The following SPTB variants were observed in gnomAD, a reference collection of about 807,000 sequenced individuals.
The protein encoded by SPTB is spectrin beta chain, erythrocytic.
Under a neutral mutation model 256.2 loss-of-function variants are expected in SPTB, and 45 were observed. That is an observed-to-expected ratio of 0.18 (90% CI 0.14 to 0.23). SPTB has a LOEUF of 0.23. Ranked by LOEUF, SPTB falls within the 10% of genes least tolerant of loss-of-function variation. SPTB has a pLI of 1.00. For missense variants in SPTB, 2,715 were observed against 3,040.4 expected (o/e 0.89, Z 2.52); for synonymous variants, 1,231 against 1,243.1 (o/e 0.99, Z 0.21).
Position 64,787,153 on chromosome 14 carries a change from C to G in SPTB, c.2812G>C (p.Ala938Pro). 6.2e-7 allele frequency: 1 copy of G among 1,604,466 alleles called. No homozygotes were observed. Among genetic ancestry groups the G allele is most frequent in the South Asian group, 1.1e-5 (1 of 91,088 alleles). ...CGCTCCGACACCAGGGTCTGAAATG[C>G]CTGCCACCTGCCGGATGGGGACACA... ...YQDHLNTRWQ[A>P]FQTLVSERRE... The change falls in exon 16 of 36, where the codon GCA (alanine) becomes CCA (proline). Residue 938 changes from alanine to proline, a missense_variant. Ala to Pro is a conservative substitution (Grantham distance 27). Transcript: ENST00000644917.
In SPTB at chr14:64,785,702, C is replaced by T. The variant is rs544630976; in HGVS notation, c.3764+47G>A. ...CTCACCAAGCTTGGGGTCCTCACTA[C>T]CCCCGTGTGGCTCTGGGGGCCTCGT... On this transcript the variant is annotated intron_variant, in intron 17 of 35. Transcript: ENST00000644917. This position sits in a 1 kb window ranked among gnomAD's most constrained non-coding sequence, Gnocchi z 4.4. 2 of 1,613,596 alleles carry T rather than the reference C, an allele frequency of 1.2e-6. No individual in the cohort carries two copies. The highest frequency in any genetic ancestry group is 1.1e-5 in the South Asian group (1 of 91,064).
intron 33 of SPTB, among the ~76,000 whole-genome samples, chr14:64,752,933 A>T (rs1264336722): frequency 6.6e-6 from 1 of 151,908 alleles, no homozygotes; most frequent in Non-Finnish European, 1.5e-5. Flanking sequence ...ACCCAAGGAC[A>T]TGACTGTTTC....
In SPTB at chr14:64,787,367, C is replaced by G. The variant is rs189710553; in HGVS notation, c.2805-207G>C. The stretch of plus-strand genomic sequence containing the variant: ...TTTTACTCAAGACATATATAACTGT[C>G]AATCAGATCTTTTGATCAGCAGGGG... On this transcript the variant is annotated intron_variant, in intron 15 of 35. Coordinates refer to ENST00000644917, the MANE Select transcript of SPTB (RefSeq NM_001355436.2). 1.8e-4 allele frequency among the ~76,000 whole-genome samples: 27 copies of G among 152,274 alleles called. No individual in the cohort carries two copies. In the East Asian group the frequency reaches 4.6e-3, roughly 26 times the overall value.
rs2082719828 is a variant in SPTB, at chr14:64,793,810, C to T, written c.1853G>A (p.Cys618Tyr). ...IQDRISHLEQ[C>Y]FEELSNMAAG... ...TGCCATGTTGCTCAGCTCCTCAAAG[C>T]ACTGCTCCAAGTGGCTGATGCGGTC... Residue 618 changes from cysteine to tyrosine, a missense_variant, in exon 14 of 36, where the codon TGC (cysteine) becomes TAC (tyrosine). Coordinates refer to ENST00000644917, the MANE Select transcript of SPTB (RefSeq NM_001355436.2). The surrounding 1 kb of genome is among the most constrained non-coding windows in gnomAD (Gnocchi z 7.0). 6.2e-7 allele frequency: 1 copy of T among 1,612,778 alleles called. No individual in the cohort carries two copies. The highest frequency in any genetic ancestry group is 1.3e-5 in the African/African-American group (1 of 74,926).
In SPTB at chr14:64,852,960, G is replaced by A. The variant is rs948928167; in HGVS notation, c.-52+26832C>T. Among the ~76,000 whole-genome samples, 16 of 152,298 alleles carry A rather than the reference G, an allele frequency of 1.1e-4. No homozygotes were observed. The highest frequency in any genetic ancestry group is 3.1e-4 in the African/African-American group (13 of 41,540). On this transcript the variant is annotated intron_variant, in intron 1 of 35. Coordinates refer to ENST00000644917, the MANE Select transcript of SPTB (RefSeq NM_001355436.2). The surrounding 1 kb of genome is among the most constrained non-coding windows in gnomAD (Gnocchi z 4.2). ...CATTGCAGAGTGCTGCCGAGGAGAC[G>A]TATAGGTACTAGGCAAGCATTAACA...
Position 64,873,366 on chromosome 14 carries a change from A to C in SPTB, c.-52+6426T>G, listed in dbSNP as rs146531596. On this transcript the variant is annotated intron_variant, in intron 1 of 35. Coordinates refer to ENST00000644917, the MANE Select transcript of SPTB (RefSeq NM_001355436.2). The surrounding 1 kb of genome is among the most constrained non-coding windows in gnomAD (Gnocchi z 4.3). ...CAGTAAATATTTGTTGAAGACTGAC[A>C]TACAAATCAAGGCCCTCAAGATCAC... Among the ~76,000 whole-genome samples, 169 of 152,312 alleles carry C rather than the reference A, an allele frequency of 1.1e-3. No homozygotes were observed. Among genetic ancestry groups the C allele is most frequent in the Non-Finnish European group, 2.1e-3 (142 of 68,026 alleles).
At chr14:64,858,475 G>A (rs1357365808) in intron 1 of SPTB, among the ~76,000 whole-genome samples, 1 of 152,162 alleles carries the variant, frequency 6.6e-6, no homozygotes, top group African/African-American at 2.4e-5. Flanking sequence ...GCAGTAGGAG[G>A]CCCTGCTGTG....
Position 64,779,122 on chromosome 14 carries a change from G to A in SPTB, c.4563+35C>T. On this transcript the variant is annotated intron_variant, in intron 22 of 35. Coordinates refer to ENST00000644917, the MANE Select transcript of SPTB (RefSeq NM_001355436.2). The surrounding 1 kb of genome is among the most constrained non-coding windows in gnomAD (Gnocchi z 4.2). ...GTGGGGCCAGGTGGGGGTGAGGAGG[G>A]GTGGGTGGGGCTGGTGAGGTGACGC... 6.3e-7 allele frequency: 1 copy of A among 1,583,530 alleles called. No homozygotes were observed. The highest frequency in any genetic ancestry group is 8.6e-7 in the Non-Finnish European group (1 of 1,156,416).
At position 64,852,067 on chromosome 14, in the gene SPTB, A is replaced by G. The variant is rs547207056; in HGVS notation, c.-52+27725T>C. 3.3e-5 allele frequency among the ~76,000 whole-genome samples: 5 copies of G among 152,332 alleles called. No homozygotes were observed. In the South Asian group the frequency reaches 1.0e-3, roughly 32 times the overall value. ...AGCCCCCAGTAGCTTGCAGTTGAGT[A>G]TTTGAAAAGTTGTAAAAACAGGCTA... On this transcript the variant is annotated intron_variant, in intron 1 of 35. Coordinates refer to ENST00000644917, the MANE Select transcript of SPTB (RefSeq NM_001355436.2). The surrounding 1 kb of genome is among the most constrained non-coding windows in gnomAD (Gnocchi z 4.2).
chr14:64,809,979 A>G (rs1222474626), intron 2 of SPTB, among the ~76,000 whole-genome samples: 1 of 152,196 alleles, frequency 6.6e-6, no homozygotes, highest in Non-Finnish European at 1.5e-5. Context: ...TTTAAATTAT[A>G]CAATTTGAAT....
In SPTB at chr14:64,795,603, C is replaced by A; in HGVS notation, c.1378G>T (p.Ala460Ser). The A allele has an allele frequency of 6.2e-7, 1 of 1,614,020 alleles. No homozygotes were observed. The highest frequency in any genetic ancestry group is 8.5e-7 in the Non-Finnish European group (1 of 1,180,018). The change falls in exon 12 of 36, where the codon GCC becomes TCC. Residue 460 changes from alanine (A) to serine (S), a missense_variant. By Grantham distance (99) the Ala-to-Ser change is moderately conservative. Transcript: ENST00000644917. The surrounding 1 kb of genome is among the most constrained non-coding windows in gnomAD (Gnocchi z 6.5). ...TCGATGGCCTCATGCTTCTTCTTGG[C>A]GGCCTCCACAGCTGCCAGGTCATAC... ...FGYDLAAVEA[A>S]KKKHEAIETD...
At chr14:64,854,295 T>C (rs1594845873) in intron 1 of SPTB, among the ~76,000 whole-genome samples, 1 of 133,738 alleles carries the variant, frequency 7.5e-6, no homozygotes, top group South Asian at 2.7e-4. Flanking sequence ...TTTTTTTTTT[T>C]TGAGATGGAG....
Position 64,765,017 on chromosome 14 carries a change from A to AGTGTGTGTGTGTGTGTGTGTGT in SPTB, c.6345+1708_6345+1709insACACACACACACACACACACAC, listed in dbSNP as rs749379191. 2.6e-3 allele frequency among the ~76,000 whole-genome samples: 280 copies of AGTGTGTGTGTGTGTGTGTGTGT among 108,816 alleles called. 2 individuals carry two copies. The Middle Eastern group carries it at 0.043, about 17-fold the overall frequency. The allele number at this position is 108,816 out of a possible 152,430, so 71.4% of individuals were successfully genotyped here. A position where few individuals can be genotyped will look rare whatever the true frequency, so the allele number is the denominator to read the frequency against. ...CTGGCCAGGCTGGAGGCCACAGAGG[A>AGTGTGTGTGTGTGTGTGTGTGT]GTGTGTGCGTGTGTGTGTGTGTGTG... On this transcript the variant is annotated intron_variant, in intron 32 of 35. Transcript: ENST00000644917.
At chr14:64,799,169 A>C (rs572341443) in intron 9 of SPTB, among the ~76,000 whole-genome samples, 118 of 152,316 alleles carry the variant, frequency 7.7e-4, no homozygotes, top group Admixed American at 2.4e-3. Context: ...ATGCATGGTT[A>C]TGTGTATGCA....
rs1401189958 is a variant in SPTB at position 64,749,598 on chromosome 14, G to A, written c.6819+56C>T. 6.2e-6 allele frequency: 10 copies of A among 1,610,916 alleles called. No homozygotes were observed. The African/African-American group carries it at 1.1e-4, about 17-fold the overall frequency. On this transcript the variant is annotated intron_variant, in intron 35 of 35. Coordinates refer to ENST00000644917, the MANE Select transcript of SPTB (RefSeq NM_001355436.2). This position sits in a 1 kb window ranked among gnomAD's most constrained non-coding sequence, Gnocchi z 4.7. ...GGGGGCCTCCAGGGCAAGCGGCCTG[G>A]GGTCCTCCACCTACCCCCTTCTTAG... is the stretch of plus-strand genomic sequence containing the variant.
intron 2 of SPTB, among the ~76,000 whole-genome samples, chr14:64,810,497 T>C (rs939781968): frequency 6.6e-6 from 1 of 152,072 alleles, no homozygotes. Context: ...CTGGCCAATA[T>C]GATGAAACGC....
At chr14:64,835,679 G>C (rs1353242330) in intron 1 of SPTB, among the ~76,000 whole-genome samples, 1 of 152,212 alleles carries the variant, frequency 6.6e-6, no homozygotes, top group Non-Finnish European at 1.5e-5. Flanking sequence ...CTGTCGCTCT[G>C]CTGCTCAGGA....
At position 64,847,640 on chromosome 14, in the gene SPTB, G is replaced by T. The variant is rs1829936996; in HGVS notation, c.-51-24495C>A. ...GGACTCCAGAAAGTCTGAGATGAGA[G>T]CACTGACTACCATGAGACACCAGCC... On this transcript the variant is annotated intron_variant, in intron 1 of 35. Coordinates refer to ENST00000644917, the MANE Select transcript of SPTB (RefSeq NM_001355436.2). This position sits in a 1 kb window ranked among gnomAD's most constrained non-coding sequence, Gnocchi z 5.9. Among the ~76,000 whole-genome samples, 2 of 152,196 alleles carry T rather than the reference G, an allele frequency of 1.3e-5. No individual in the cohort carries two copies. The highest frequency in any genetic ancestry group is 2.1e-4 in the South Asian group (1 of 4,826).
At chr14:64,871,762 C>G (rs1434157840) in intron 1 of SPTB, among the ~76,000 whole-genome samples, 1 of 152,190 alleles carries the variant, frequency 6.6e-6, no homozygotes, top group Non-Finnish European at 1.5e-5. Flanking sequence ...AAGACTTTTA[C>G]TCTTCATTGT....
Sources: gnomAD v4.1 joint callset for allele counts (sites outside exome capture counted in the v4.1 genomes callset) on GRCh38, gnomAD v4.1.1 for gene constraint, Gnocchi (gnomAD v3.1) non-coding constraint, MANE v1.5 for transcripts, NCBI Gene and HGNC (gene_info 2026-07-23, HGNC 2026-07-21) for gene names.